CSMD1: variants seen among roughly 807,000 people sequenced by gnomAD.
CSMD1 encodes the protein CUB and Sushi multiple domains 1.
A neutral mutation model predicts 417.5 loss-of-function variants in CSMD1; 213 were observed. That is an observed-to-expected ratio of 0.51 (90% CI 0.46 to 0.57). The LOEUF is 0.57. Ranked by LOEUF, CSMD1 falls within the 20% of genes least tolerant of loss-of-function variation. The probability of loss-of-function intolerance (pLI) is 0.00; values close to 1 mark genes in which losing one functional copy is unlikely to be tolerated. For missense variants in CSMD1, 6,923 were observed against 4,529.7 expected (o/e 1.53, Z -15.17); for synonymous variants, 2,862 against 1,736.8 (o/e 1.65, Z -16.11).
intron 3 of CSMD1, among the ~76,000 whole-genome samples, chr8:4,154,704 A>G (rs1005603027): frequency 1.3e-5 from 2 of 152,214 alleles, no homozygotes; most frequent in African/African-American, 4.8e-5. Context: ...CGTACAAGGA[A>G]AAAGAGATCA....
intron 1 of CSMD1, among the ~76,000 whole-genome samples, chr8:4,985,779 A>G (rs146695985): frequency 6.6e-5 from 10 of 152,286 alleles, no homozygotes; most frequent in East Asian, 1.9e-4. Flanking sequence ...AGTGAACTGC[A>G]ACCTCATGAA....
intron 23 of CSMD1, among the ~76,000 whole-genome samples, chr8:3,311,992 A>C (rs942448753): frequency 6.6e-5 from 10 of 152,236 alleles, no homozygotes; most frequent in African/African-American, 2.4e-4. Context: ...AAAGTTCTAA[A>C]ATCCAAAAAT....
At chr8:3,551,696 G>A (rs1353431764) in intron 10 of CSMD1, among the ~76,000 whole-genome samples, 1 of 148,982 alleles carries the variant, frequency 6.7e-6, no homozygotes. Flanking sequence ...ATAAAGACAT[G>A]ACTGATGATG....
intron 3 of CSMD1, among the ~76,000 whole-genome samples, chr8:4,134,542 C>A (rs1043696841): frequency 6.6e-6 from 1 of 152,192 alleles, no homozygotes; most frequent in South Asian, 2.1e-4. Flanking sequence ...TTGTTTAAGC[C>A]ACCTAGTCTG....
intron 4 of CSMD1, among the ~76,000 whole-genome samples, chr8:4,024,155 A>C (rs1200131071): frequency 6.6e-6 from 1 of 152,172 alleles, no homozygotes; most frequent in Non-Finnish European, 1.5e-5. Flanking sequence ...ATACAGCATA[A>C]AGAATCAGTT....
intron 3 of CSMD1, among the ~76,000 whole-genome samples, chr8:4,410,359 A>T (rs1200744681): frequency 6.6e-6 from 1 of 152,216 alleles, no homozygotes; most frequent in Non-Finnish European, 1.5e-5. Flanking sequence ...AACTGCATGG[A>T]ACCCACACCT....
At chr8:3,755,806 T>C (rs1006175390) in intron 5 of CSMD1, among the ~76,000 whole-genome samples, 4 of 152,226 alleles carry the variant, frequency 2.6e-5, no homozygotes, top group Non-Finnish European at 2.9e-5. Flanking sequence ...CTGTTTGAAA[T>C]AATCTTCTGT....
intron 42 of CSMD1, among the ~76,000 whole-genome samples, chr8:3,116,171 A>G (rs1353149553): frequency 6.6e-6 from 1 of 152,228 alleles, no homozygotes; most frequent in African/African-American, 2.4e-5. Context: ...TAATATGAAA[A>G]GGATATTAAA....
At chr8:4,547,802 G>T (rs1233510613) in intron 2 of CSMD1, among the ~76,000 whole-genome samples, 1 of 152,200 alleles carries the variant, frequency 6.6e-6, no homozygotes, top group African/African-American at 2.4e-5. Flanking sequence ...AAAATAGAGT[G>T]TTAATGTGGC....
intron 3 of CSMD1, among the ~76,000 whole-genome samples, chr8:4,050,756 C>T (rs1394903884): frequency 1.3e-5 from 2 of 151,976 alleles, no homozygotes; most frequent in Non-Finnish European, 2.9e-5. Flanking sequence ...CTATAAATGC[C>T]CTAATTGACC....
chr8:3,282,798 C>G (rs1327344776), intron 26 of CSMD1, among the ~76,000 whole-genome samples: 1 of 152,116 alleles, frequency 6.6e-6, no homozygotes, highest in African/African-American at 2.4e-5. Flanking sequence ...ATATTAGCAA[C>G]CTTTTAAAGC....
chr8:3,812,314 G>A (rs1047214460), intron 5 of CSMD1, among the ~76,000 whole-genome samples: 1 of 152,160 alleles, frequency 6.6e-6, no homozygotes, highest in Admixed American at 6.5e-5. Flanking sequence ...CCTTTTCTGA[G>A]CTTTGCCTCT....
intron 10 of CSMD1, among the ~76,000 whole-genome samples, chr8:3,558,311 CTCCAATGATGAATGATGCCTCAGTAGT>C (rs1799263069): frequency 1.4e-5 from 2 of 139,836 alleles, no homozygotes; most frequent in Non-Finnish European, 1.6e-5. Flanking sequence ...GTGTTCACTC[CTCCAATGATGAATGATGCCTCAGTAGT>C]ACCCCGTGTC....
intron 41 of CSMD1, among the ~76,000 whole-genome samples, chr8:3,138,205 AAC>A (rs1585445483): frequency 6.6e-6 from 1 of 152,198 alleles, no homozygotes; most frequent in Non-Finnish European, 1.5e-5. Flanking sequence ...CAGCCTGGAC[AAC>A]AGAGTGGGAT....
intron 5 of CSMD1, among the ~76,000 whole-genome samples, chr8:3,889,524 T>G (rs1806809091): frequency 8.2e-6 from 1 of 121,592 alleles, no homozygotes; most frequent in Non-Finnish European, 1.8e-5. Flanking sequence ...GATATATACA[T>G]ATATATACAT....
intron 8 of CSMD1, among the ~76,000 whole-genome samples, chr8:3,592,236 T>C (rs1408506536): frequency 6.6e-6 from 1 of 152,014 alleles, no homozygotes; most frequent in Non-Finnish European, 1.5e-5. Context: ...GATACATAGA[T>C]GGATAGATAG....
At chr8:4,664,708 A>C (rs907134174) in intron 1 of CSMD1, among the ~76,000 whole-genome samples, 3 of 152,208 alleles carry the variant, frequency 2.0e-5, no homozygotes, top group African/African-American at 4.8e-5. Context: ...AAATAAAAGC[A>C]AAATTTTATT....
chr8:3,315,820 T>G (rs1031258607), intron 23 of CSMD1, among the ~76,000 whole-genome samples: 4 of 152,210 alleles, frequency 2.6e-5, no homozygotes, highest in Non-Finnish European at 4.4e-5. Context: ...TTTTAATAAA[T>G]CATAAAGCAA....
intron 6 of CSMD1, among the ~76,000 whole-genome samples, chr8:3,740,873 G>A (rs1280604500): frequency 6.6e-6 from 1 of 152,080 alleles, no homozygotes; most frequent in Non-Finnish European, 1.5e-5. Flanking sequence ...ATGAGGCAGA[G>A]CCCTACTCAG....
Sources: allele counts gnomAD v4.1 joint callset (sites outside exome capture counted in the v4.1 genomes callset), GRCh38; gene constraint gnomAD v4.1.1; transcripts MANE v1.5; gene names NCBI Gene and HGNC (gene_info 2026-07-23, HGNC 2026-07-21).